DTNB: variants seen among roughly 807,000 people sequenced by gnomAD.
DTNB encodes the protein dystrobrevin beta, also known as DTN-B.
DTNB carries 63 observed loss-of-function variants against 90.7 expected under a neutral mutation model. That is an observed-to-expected ratio of 0.69 (90% confidence interval 0.57 to 0.86). DTNB has a LOEUF of 0.86. Ranked by LOEUF, DTNB falls within the 40% of genes least tolerant of loss-of-function variation. The pLI is 0.00. For synonymous variants in DTNB, 277 were observed against 286.7 expected (o/e 0.97, Z 0.34); for missense variants, 744 against 807.1 (o/e 0.92, Z 0.95).
chr2:25,662,681 A>ACACACAAAC (rs35419647), intron 1 of DTNB, among the ~76,000 whole-genome samples: 2,481 of 104,428 alleles, frequency 0.024, 38 homozygotes, highest in African/African-American at 0.045. Flanking sequence ...CACACACACA[A>ACACACAAAC]ACACACACAC....
chr2:25,640,926 A>C (rs1214287012), intron 2 of DTNB, among the ~76,000 whole-genome samples: 1 of 152,192 alleles, frequency 6.6e-6, no homozygotes, highest in Admixed American at 6.5e-5. Context: ...GAATGGCACG[A>C]ACCCGGGAGG....
chr2:25,609,047 G>A (rs984804657), intron 4 of DTNB, among the ~76,000 whole-genome samples: 4 of 152,172 alleles, frequency 2.6e-5, no homozygotes, highest in Non-Finnish European at 4.4e-5. Context: ...AAGCAGCAAG[G>A]TCTGTGGCCA....
intron 11 of DTNB, among the ~76,000 whole-genome samples, chr2:25,452,927 C>T (rs1558587293): frequency 6.6e-6 from 1 of 151,862 alleles, no homozygotes; most frequent in Non-Finnish European, 1.5e-5. Context: ...GTAATAAGAA[C>T]AGACTACTAT....
chr2:25,501,161 T>C (rs186964961), intron 9 of DTNB, among the ~76,000 whole-genome samples: 76 of 152,178 alleles, frequency 5.0e-4, no homozygotes, highest in African/African-American at 7.9e-4. Context: ...CAGCTAAAGA[T>C]TGATGAACAT....
chr2:25,505,167 C>T (rs1171895236), intron 9 of DTNB, among the ~76,000 whole-genome samples: 1 of 152,152 alleles, frequency 6.6e-6, no homozygotes, highest in Non-Finnish European at 1.5e-5. Flanking sequence ...CTGGCATCCA[C>T]GTCACTGCTA....
chr2:25,496,217 C>T (rs184829986), intron 9 of DTNB, among the ~76,000 whole-genome samples: 203 of 152,232 alleles, frequency 1.3e-3, no homozygotes, highest in Non-Finnish European at 2.3e-3. Context: ...TCTTATAAAC[C>T]GGATCATCAA....
At chr2:25,633,271 C>G (rs1260721942) in intron 3 of DTNB, among the ~76,000 whole-genome samples, 3 of 152,086 alleles carry the variant, frequency 2.0e-5, no homozygotes, top group African/African-American at 7.2e-5. Flanking sequence ...CTGCCTGATT[C>G]TCCTGCCTCA....
At chr2:25,447,864 T>C (rs1031855512) in intron 12 of DTNB, among the ~76,000 whole-genome samples, 8 of 152,134 alleles carry the variant, frequency 5.3e-5, no homozygotes, top group Non-Finnish European at 1.0e-4. Context: ...AGGGCCTACC[T>C]TAATGTGAGA....
chr2:25,545,708 G>A (rs1398861720), intron 8 of DTNB, among the ~76,000 whole-genome samples: 3 of 152,138 alleles, frequency 2.0e-5, no homozygotes, highest in Non-Finnish European at 2.9e-5. Flanking sequence ...TGCAGCCTCC[G>A]CCTCCCGGGT....
chr2:25,555,683 A>G (rs1317718005), intron 8 of DTNB, among the ~76,000 whole-genome samples: 1 of 152,172 alleles, frequency 6.6e-6, no homozygotes. Context: ...CTCTTTCCAC[A>G]TCGATTCCAC....
intron 7 of DTNB, among the ~76,000 whole-genome samples, chr2:25,579,976 C>CTTTTT (rs59639406): frequency 7.6e-4 from 40 of 52,970 alleles, no homozygotes; most frequent in African/African-American, 1.7e-3. Context: ...AGTATCCTTT[C>CTTTTT]TTTTTTTTTT....
intron 4 of DTNB, among the ~76,000 whole-genome samples, chr2:25,620,051 TA>T (rs893285206): frequency 5.4e-5 from 8 of 147,530 alleles, no homozygotes; most frequent in South Asian, 2.2e-4. Flanking sequence ...AAAAAAATAA[TA>T]AAAAAAAAAT....
chr2:25,595,440 C>G (rs1472186240), intron 6 of DTNB, among the ~76,000 whole-genome samples: 1 of 152,154 alleles, frequency 6.6e-6, no homozygotes, highest in African/African-American at 2.4e-5. Context: ...TAACATTAAG[C>G]TTCTTTTATC....
chr2:25,538,906 C>T (rs1019300177), intron 8 of DTNB, among the ~76,000 whole-genome samples: 6 of 152,204 alleles, frequency 3.9e-5, no homozygotes, highest in Admixed American at 3.9e-4. Context: ...CTGATAATCA[C>T]TATCCTGGAT....
intron 7 of DTNB, among the ~76,000 whole-genome samples, chr2:25,579,021 A>C (rs2061161295): frequency 6.6e-6 from 1 of 152,226 alleles, no homozygotes; most frequent in Non-Finnish European, 1.5e-5. Context: ...AAAATATTAC[A>C]AACCATATAC....
At chr2:25,478,557 C>G (rs564058621) in intron 10 of DTNB, among the ~76,000 whole-genome samples, 3 of 151,844 alleles carry the variant, frequency 2.0e-5, no homozygotes, top group Non-Finnish European at 4.4e-5. Flanking sequence ...CAGAGTCTCG[C>G]TATGTTGCTG....
intron 8 of DTNB, among the ~76,000 whole-genome samples, chr2:25,559,538 G>A (rs1356288487): frequency 6.6e-6 from 1 of 152,200 alleles, no homozygotes; most frequent in Non-Finnish European, 1.5e-5. Flanking sequence ...CTCCTTCGCG[G>A]AGTCCAACAT....
chr2:25,629,885 G>A (rs760200325), intron 3 of DTNB, among the ~76,000 whole-genome samples: 107 of 152,044 alleles, frequency 7.0e-4, no homozygotes, highest in Non-Finnish European at 4.1e-4. Flanking sequence ...AAAGAGATAC[G>A]CTGCATTTTA....
chr2:25,508,839 A>T (rs1417273827), intron 9 of DTNB, among the ~76,000 whole-genome samples: 1 of 152,088 alleles, frequency 6.6e-6, no homozygotes, highest in Non-Finnish European at 1.5e-5. Context: ...CGGCCCTAAA[A>T]TTTCTTTCAG....
Sources: gnomAD v4.1 joint callset for allele counts (sites outside exome capture counted in the v4.1 genomes callset) on GRCh38, gnomAD v4.1.1 for gene constraint, MANE v1.5 for transcripts, NCBI Gene and HGNC (gene_info 2026-07-23, HGNC 2026-07-21) for gene names.